MAPK10: variants seen among roughly 807,000 people sequenced by gnomAD.
MAPK10 encodes the protein mitogen-activated protein kinase 10.
Under a neutral mutation model 59.3 loss-of-function variants are expected in MAPK10, and 25 were observed. The ratio of observed to expected loss-of-function variants is 0.42; its 90% CI spans 0.31 to 0.59. The LOEUF (loss-of-function observed/expected upper bound fraction) is 0.59. MAPK10 is among the 20% of genes least tolerant of loss of function. The pLI is 0.15. For synonymous variants in MAPK10, 190 were observed against 200.5 expected (o/e 0.95, Z 0.44); for missense variants, 351 against 568.9 (o/e 0.62, Z 3.90).
chr4:86,318,730 C>T (rs1438332153), intron 2 of MAPK10, among the ~76,000 whole-genome samples: 1 of 152,086 alleles, frequency 6.6e-6, no homozygotes, highest in African/African-American at 2.4e-5. Flanking sequence ...ATAGATCTAG[C>T]CTCTAGCCAC....
chr4:86,562,307 G>C (rs1467050391), intron 1 of MAPK10, among the ~76,000 whole-genome samples: 2 of 151,724 alleles, frequency 1.3e-5, no homozygotes, highest in Non-Finnish European at 2.9e-5. Context: ...TAGTTCAAGG[G>C]TTAATACTTT....
At chr4:86,487,369 G>GTGTA (rs1029348489) in intron 1 of MAPK10, among the ~76,000 whole-genome samples, 1 of 150,456 alleles carries the variant, frequency 6.6e-6, no homozygotes, top group African/African-American at 2.5e-5. Flanking sequence ...GAGAGTGTGT[G>GTGTA]TGTGTGTGTG....
intron 1 of MAPK10, among the ~76,000 whole-genome samples, chr4:86,529,330 T>C (rs1490393748): frequency 2.6e-5 from 4 of 152,150 alleles, no homozygotes; most frequent in African/African-American, 4.8e-5. Flanking sequence ...TCCAATCTCA[T>C]ATTCTCTGCA....
chr4:86,067,224 C>A (rs922035421), intron 10 of MAPK10, among the ~76,000 whole-genome samples: 9 of 152,142 alleles, frequency 5.9e-5, no homozygotes, highest in Non-Finnish European at 1.3e-4. Flanking sequence ...TCACTGCAAC[C>A]TCTTCCTCCT....
At chr4:86,412,416 C>T (rs1024223007) in intron 1 of MAPK10, among the ~76,000 whole-genome samples, 1 of 152,070 alleles carries the variant, frequency 6.6e-6, no homozygotes, top group African/African-American at 2.4e-5. Flanking sequence ...TTGTGGTGTT[C>T]TCCGTATTTC....
intron 13 of MAPK10, among the ~76,000 whole-genome samples, chr4:86,023,660 A>G (rs1748551528): frequency 6.6e-6 from 1 of 151,790 alleles, no homozygotes; most frequent in African/African-American, 2.4e-5. Flanking sequence ...TTCTTTTGCT[A>G]ACTTTATTCC....
chr4:86,457,727 T>A (rs559569605), upstream of MAPK10, among the ~76,000 whole-genome samples: 1 of 152,100 alleles, frequency 6.6e-6, no homozygotes, highest in Non-Finnish European at 1.5e-5. Flanking sequence ...AAAATGACCA[T>A]ACTGCCAAAA....
intron 2 of MAPK10, among the ~76,000 whole-genome samples, chr4:86,260,461 A>G (rs2093942774): frequency 6.6e-6 from 1 of 152,082 alleles, no homozygotes; most frequent in Non-Finnish European, 1.5e-5. Context: ...CTTTTCTTGC[A>G]GTGGATTCTG....
rs1034145362 is a variant in MAPK10, at chr4:86,015,795, C to T, written c.*1433G>A. 2.6e-5 allele frequency: 4 copies of T among 152,040 alleles called. No homozygotes were observed. The highest frequency in any genetic ancestry group is 5.9e-5 in the Non-Finnish European group (4 of 68,024). The allele number at this position is 152,040 out of a possible 1,614,324, so 9.4% of individuals were successfully genotyped here. The stretch of plus-strand genomic sequence containing the variant: ...TACAAAACTCAGATGATCAGCCCTT[C>T]GATTGCTCATACTTATTAAAATAAA... On this transcript the variant is annotated 3_prime_UTR_variant, in exon 14 of 14. Transcript: ENST00000641462.
intron 2 of MAPK10, among the ~76,000 whole-genome samples, chr4:86,226,679 T>G (rs1407586365): frequency 6.6e-6 from 1 of 152,200 alleles, no homozygotes; most frequent in Admixed American, 6.5e-5. Flanking sequence ...CCTTAATTTC[T>G]CCTCAAGAAT....
At chr4:86,321,612 C>T (rs982459397) in intron 2 of MAPK10, among the ~76,000 whole-genome samples, 3 of 148,920 alleles carry the variant, frequency 2.0e-5, no homozygotes, top group African/African-American at 7.4e-5. Context: ...GGAGGGATAG[C>T]TTTAGGAGAT....
At chr4:86,315,675 A>C (rs1269450423) in intron 2 of MAPK10, among the ~76,000 whole-genome samples, 1 of 152,162 alleles carries the variant, frequency 6.6e-6, no homozygotes, top group African/African-American at 2.4e-5. Flanking sequence ...ATAGTACCAT[A>C]ATAGTTTTTG....
At chr4:86,458,733 G>A (rs1751462127) in intron 1 of MAPK10, among the ~76,000 whole-genome samples, 1 of 152,156 alleles carries the variant, frequency 6.6e-6, no homozygotes, top group African/African-American at 2.4e-5. Context: ...GAATGAAACT[G>A]GATCCTCATC....
chr4:86,209,837 A>G (rs1365631534), intron 2 of MAPK10, among the ~76,000 whole-genome samples: 8 of 152,132 alleles, frequency 5.3e-5, no homozygotes, highest in Admixed American at 5.3e-4. Context: ...AAGCCAAAAG[A>G]GCAAATCTGG....
At chr4:86,032,875 G>C (rs888513878) in intron 11 of MAPK10, among the ~76,000 whole-genome samples, 2 of 152,194 alleles carry the variant, frequency 1.3e-5, no homozygotes, top group African/African-American at 4.8e-5. Flanking sequence ...TAGCACGTTT[G>C]ACTGATACTG....
intron 4 of MAPK10, among the ~76,000 whole-genome samples, chr4:86,138,679 T>C (rs1253001387): frequency 2.0e-5 from 3 of 150,784 alleles, no homozygotes; most frequent in East Asian, 4.0e-4. Context: ...TTGGAAGTTC[T>C]GGCCAGGGCA....
chr4:86,165,025 T>C (rs1456212474), intron 3 of MAPK10, among the ~76,000 whole-genome samples: 1 of 152,212 alleles, frequency 6.6e-6, no homozygotes, highest in Non-Finnish European at 1.5e-5. Context: ...TGTTGGGCAC[T>C]ATTAAATGTA....
rs140382682 is a variant in MAPK10, at chr4:86,561,247, T to C, written c.-263+32663A>G. Among the ~76,000 whole-genome samples, 246 of 152,288 alleles carry C rather than the reference T, an allele frequency of 1.6e-3. 4 individuals are homozygous for C. The highest frequency in any genetic ancestry group is 5.5e-3 in the African/African-American group (228 of 41,562). ...CAGTTCTTAACAGGCCATGGACCCATAATGATCCATGGCCTGGGGGATGGG... is the reference window on the plus strand; with the variant it reads ...CAGTTCTTAACAGGCCATGGACCCACAATGATCCATGGCCTGGGGGATGGG... On this transcript the variant is annotated intron_variant, in intron 1 of 4. Coordinates refer to the MAPK10 transcript ENST00000502302.
At chr4:86,408,247 T>C (rs1043252297) in intron 1 of MAPK10, among the ~76,000 whole-genome samples, 3 of 152,196 alleles carry the variant, frequency 2.0e-5, no homozygotes, top group Non-Finnish European at 2.9e-5. Context: ...TTTTTATGGC[T>C]GCATAGTATT....
Sources: allele counts gnomAD v4.1 joint callset (sites outside exome capture counted in the v4.1 genomes callset), GRCh38; gene constraint gnomAD v4.1.1; transcripts MANE v1.5; gene names NCBI Gene and HGNC (gene_info 2026-07-23, HGNC 2026-07-21).